The following ZNF565 variants were observed in gnomAD, a reference collection of about 807,000 sequenced individuals.
The protein encoded by ZNF565 is zinc finger protein 565.
ZNF565 carries 27 observed loss-of-function variants against 39.4 expected under a neutral mutation model. The ratio of observed to expected loss-of-function variants is 0.69; its 90% CI spans 0.51 to 0.95. The LOEUF is 0.95. ZNF565 is among the 40% of genes least tolerant of loss of function. ZNF565 has a pLI of 0.00. For synonymous variants in ZNF565, 185 were observed against 216.6 expected (o/e 0.85, Z 1.28); for missense variants, 524 against 621.1 (o/e 0.84, Z 1.66).
chr19:36,243,892 G>A (rs1977837906), intron 1 of ZNF565, among the ~76,000 whole-genome samples: 1 of 151,982 alleles, frequency 6.6e-6, no homozygotes, highest in Non-Finnish European at 1.5e-5. Context: ...GTAGAGACAG[G>A]GGTCTCACTC....
chr19:36,245,562 C>T lies in ZNF565; in HGVS notation c.-32G>A. 1.4e-6 allele frequency: 1 copy of T among 702,292 alleles called. No homozygotes were observed. Among genetic ancestry groups the T allele is most frequent in the Admixed American group, 2.0e-5 (1 of 50,002 alleles). The allele number at this position is 702,292 out of a possible 1,614,324, so 43.5% of individuals were successfully genotyped here. On this transcript the variant is annotated 5_prime_UTR_variant, in exon 1 of 5. Coordinates refer to the ZNF565 transcript ENST00000355114. The surrounding 1 kb of genome is among the most constrained non-coding windows in gnomAD (Gnocchi z 4.4). ...GGTGGCTTGCTCTGGACTACATTTC[C>T]CAGGGTCCACCGCGGATCTAGGAGG...
At chr19:36,221,307 G>C (rs1358318709) in intron 1 of ZNF565, among the ~76,000 whole-genome samples, 1 of 15,280 alleles carries the variant, frequency 6.5e-5, no homozygotes, top group East Asian at 1.6e-3. Context: ...TTTTTTTTTT[G>C]AGACGGAGTC....
chr19:36,237,361 A>C, intron 1 of ZNF565: 2 of 1,547,456 alleles, frequency 1.3e-6, no homozygotes, highest in Non-Finnish European at 1.7e-6. Context: ...CTTTCATTAG[A>C]AATTTGCACC....
chr19:36,220,520 A>G (rs2145403782), intron 1 of ZNF565, among the ~76,000 whole-genome samples: 1 of 152,164 alleles, frequency 6.6e-6, no homozygotes, highest in East Asian at 1.9e-4. Flanking sequence ...GCATGCCACC[A>G]CGCCCAGCTA....
chr19:36,194,457 C>A (rs767048960), intron 3 of ZNF565, 129 bp from the exon 4 acceptor site: 4 of 623,574 alleles, frequency 6.4e-6, no homozygotes, highest in Non-Finnish European at 1.0e-5. Flanking sequence ...GAAGACCGAG[C>A]TGCCCAGCAG....
At chr19:36,194,156 T>C (rs1200860970) in intron 4 of ZNF565, 77 bp downstream of exon 4, 5 of 1,252,662 alleles carry the variant, frequency 4.0e-6, no homozygotes, top group Non-Finnish European at 5.6e-6. Flanking sequence ...TGAGGGAACT[T>C]CCCACAGTAA....
rs1438644058 is a variant in ZNF565 at position 36,194,269 on chromosome 19, T to A, written c.196A>T (p.Met66Leu). The change falls in exon 4 of 5, where the codon ATG (methionine) becomes TTG (leucine). Residue 66 changes from methionine to leucine, a missense_variant. Coordinates refer to ENST00000304116, the MANE Select transcript of ZNF565 (RefSeq NM_152477.5). ...GGTCCTGTCACATCATTTGCAATCA[T>A]CCAGGGCTCTTTCCCTTGCTCCAAT... ...SLLEQGKEPWMIANDVTGPWC... is the reference protein window; with the variant it reads ...SLLEQGKEPWLIANDVTGPWC... The A allele has an allele frequency of 6.2e-7, 1 of 1,612,922 alleles. No individual in the cohort carries two copies. Among genetic ancestry groups the A allele is most frequent in the Non-Finnish European group, 8.5e-7 (1 of 1,179,538 alleles).
At position 36,195,063 on chromosome 19, in the gene ZNF565, T is replaced by A; in HGVS notation, c.103A>T (p.Thr35Ser). The change falls in exon 3 of 5, where the codon ACT becomes TCT. Residue 35 changes from threonine (T) to serine (S), a missense_variant. Coordinates refer to ENST00000304116, the MANE Select transcript of ZNF565 (RefSeq NM_152477.5). ...PAQRDLYREV[T>S]LENFGHLASL... ...GCCAAGTGACCAAAGTTCTCCAGAG[T>A]CACCTCCCTGTACAAGTCCCTCTGA... The A allele has an allele frequency of 6.2e-7, 1 of 1,614,060 alleles. No homozygotes were observed. The highest frequency in any genetic ancestry group is 8.5e-7 in the Non-Finnish European group (1 of 1,180,014).
At chr19:36,208,165 C>T (rs1206932906) in intron 1 of ZNF565, among the ~76,000 whole-genome samples, 1 of 151,206 alleles carries the variant, frequency 6.6e-6, no homozygotes, top group African/African-American at 2.4e-5. Flanking sequence ...TTCACAAACC[C>T]ATAATGTGAA....
intron 1 of ZNF565, among the ~76,000 whole-genome samples, chr19:36,220,775 G>C (rs1280925413): frequency 6.6e-6 from 1 of 151,972 alleles, no homozygotes; most frequent in Non-Finnish European, 1.5e-5. Flanking sequence ...GCTGATACTA[G>C]TAGTAACCAT....
At chr19:36,239,466 G>A (rs1977759824) in intron 1 of ZNF565, among the ~76,000 whole-genome samples, 1 of 151,378 alleles carries the variant, frequency 6.6e-6, no homozygotes, top group Non-Finnish European at 1.5e-5. Flanking sequence ...GGGACTACAG[G>A]CACGCACCAC....
intron 2 of ZNF565, among the ~76,000 whole-genome samples, chr19:36,201,628 C>T (rs1321226316): frequency 6.6e-6 from 1 of 152,052 alleles, no homozygotes; most frequent in Non-Finnish European, 1.5e-5. Context: ...GTGTGTGGTA[C>T]CATGCCCGGC....
intron 2 of ZNF565, among the ~76,000 whole-genome samples, chr19:36,199,208 G>C (rs1975868980): frequency 6.6e-6 from 1 of 152,182 alleles, no homozygotes; most frequent in Non-Finnish European, 1.5e-5. Context: ...GTATACCTGA[G>C]TTACATAAAT....
intron 4 of ZNF565, among the ~76,000 whole-genome samples, chr19:36,184,510 C>T (rs1474955503): frequency 6.6e-6 from 1 of 151,954 alleles, no homozygotes; most frequent in Non-Finnish European, 1.5e-5. Flanking sequence ...AACAATCCAC[C>T]CGCCCTGGCC....
upstream of ZNF565, among the ~76,000 whole-genome samples, chr19:36,219,060 G>A (rs533484165): frequency 6.6e-4 from 97 of 146,982 alleles, 1 homozygote; most frequent in East Asian, 0.019. Context: ...CGCCCACCTC[G>A]GCCTCCCAAA....
At chr19:36,230,779 A>G (rs932739523) in intron 1 of ZNF565, among the ~76,000 whole-genome samples, 7 of 152,116 alleles carry the variant, frequency 4.6e-5, no homozygotes, top group South Asian at 2.1e-4. Flanking sequence ...GGGAGACCCA[A>G]CAGAGGGCCA....
intron 1 of ZNF565, among the ~76,000 whole-genome samples, chr19:36,228,301 T>A (rs540526377): frequency 6.6e-6 from 1 of 152,298 alleles, no homozygotes; most frequent in South Asian, 2.1e-4. Flanking sequence ...GCTTTAGTTC[T>A]GATGGGAACG....
chr19:36,182,565 T>A lies in ZNF565; in HGVS notation c.1401A>T (p.Arg467Ser). ...CGTAAGGTTTGATACCAGGATGAATTCTCTGATGTTCGGTAAGTTGTGAAC... is the reference window on the plus strand; with the variant it reads ...CGTAAGGTTTGATACCAGGATGAATACTCTGATGTTCGGTAAGTTGTGAAC... ...IRSSQLTEHQ[R>S]IHPGIKPYEC... Residue 467 changes from arginine (R) to serine (S), a missense_variant, in exon 5 of 5, where the codon AGA becomes AGT. Coordinates refer to ENST00000304116, the MANE Select transcript of ZNF565 (RefSeq NM_152477.5). 1 of 1,614,002 alleles carries A rather than the reference T, an allele frequency of 6.2e-7. No homozygotes were observed. Among genetic ancestry groups the A allele is most frequent in the Non-Finnish European group, 8.5e-7 (1 of 1,179,922 alleles).
intron 4 of ZNF565, among the ~76,000 whole-genome samples, chr19:36,191,991 C>T (rs1975564792): frequency 6.6e-6 from 1 of 151,696 alleles, no homozygotes; most frequent in South Asian, 2.1e-4. Flanking sequence ...AGTGATCAAA[C>T]TGAACAGCAC....
Sources: allele counts gnomAD v4.1 joint callset (sites outside exome capture counted in the v4.1 genomes callset), GRCh38; gene constraint gnomAD v4.1.1; non-coding constraint Gnocchi (gnomAD v3.1); transcripts MANE v1.5; gene names NCBI Gene and HGNC (gene_info 2026-07-23, HGNC 2026-07-21).